EEF2K: variants seen among roughly 807,000 people sequenced by gnomAD.
EEF2K encodes eukaryotic elongation factor 2 kinase, also known as alternative protein EEF2K.
In EEF2K, 70 loss-of-function variants were observed where a neutral mutation model predicts 93.8. The ratio of observed to expected loss-of-function variants is 0.75; its 90% CI spans 0.62 to 0.91. EEF2K has a LOEUF of 0.91. Among genes scored for constraint, EEF2K ranks in the 40% least tolerant of loss-of-function variants. EEF2K has a pLI of 0.00. For missense variants in EEF2K, 935 were observed against 972.9 expected, an observed-to-expected ratio of 0.96 and a Z score of 0.52; for synonymous variants, 376 against 380.8, an observed-to-expected ratio of 0.99 and a Z score of 0.15.
Position 22,260,446 on chromosome 16 carries a change from G to T in EEF2K, c.1232-16G>T. ...GTAGTGGAACCAGGACATGATGTCT[G>T]TTTCTCCCTGCCCAGATTGGCCAGT... On this transcript the variant is annotated splice_polypyrimidine_tract_variant and intron_variant, in intron 10 of 17. Coordinates refer to ENST00000263026, the MANE Select transcript of EEF2K (RefSeq NM_013302.5). 1.2e-6 allele frequency: 2 copies of T among 1,614,018 alleles called. No individual in the cohort carries two copies. The highest frequency in any genetic ancestry group is 1.7e-6 in the Non-Finnish European group (2 of 1,179,994).
At chr16:22,248,417 T>C (rs1437597579) in intron 3 of EEF2K, among the ~76,000 whole-genome samples, 1 of 152,086 alleles carries the variant, frequency 6.6e-6, no homozygotes, top group African/African-American at 2.4e-5. Flanking sequence ...AAGACAGACA[T>C]GGGTCTGCTT....
chr16:22,214,587 C>T (rs1053383281), intron 1 of EEF2K, among the ~76,000 whole-genome samples: 7 of 152,048 alleles, frequency 4.6e-5, no homozygotes, highest in African/African-American at 1.7e-4. Context: ...ATCACTTGAG[C>T]CCAGGAGTTG....
chr16:22,267,016 C>G, intron 15 of EEF2K, 140 bp downstream of exon 15: 1 of 1,094,810 alleles, frequency 9.1e-7, no homozygotes, highest in Non-Finnish European at 1.3e-6. Context: ...ATGTCCCAGG[C>G]ACTGGTTTGG....
intron 1 of EEF2K, among the ~76,000 whole-genome samples, chr16:22,212,556 G>A (rs1430043195): frequency 1.3e-5 from 2 of 152,056 alleles, no homozygotes; most frequent in African/African-American, 4.8e-5. Flanking sequence ...TCCTGACCTC[G>A]TGATCCGCCT....
intron 3 of EEF2K, 72 bp downstream of exon 3, chr16:22,244,802 G>C: frequency 1.3e-6 from 2 of 1,484,908 alleles, no homozygotes; most frequent in Non-Finnish European, 1.9e-6. Flanking sequence ...AATCAGTGAG[G>C]CCTAAGTACT....
chr16:22,251,446 C>G (rs1402002558), intron 6 of EEF2K, 124 bp downstream of exon 6: 12 of 1,223,554 alleles, frequency 9.8e-6, no homozygotes, highest in Non-Finnish European at 1.3e-5. Flanking sequence ...TGAAGTCTTG[C>G]TCTGTCACCC....
Position 22,225,938 on chromosome 16 carries a change from G to A in EEF2K, c.209G>A (p.Ser70Asn), listed in dbSNP as rs761672065. ...AACCTAACAAAAAGTGAGCGGTATA[G>A]CTCCAGCGGGTCCCCGGCAAACTCC... ...YSNLTKSERY[S>N]SSGSPANSFH... The change falls in exon 2 of 18, where the codon AGC becomes AAC. Residue 70 changes from serine (S) to asparagine (N), a missense_variant. Coordinates refer to ENST00000263026, the MANE Select transcript of EEF2K (RefSeq NM_013302.5). The A allele has an allele frequency of 6.2e-7, 1 of 1,614,180 alleles. No individual in the cohort carries two copies.
chr16:22,214,336 G>C (rs2046940213), intron 1 of EEF2K, among the ~76,000 whole-genome samples: 1 of 151,992 alleles, frequency 6.6e-6, no homozygotes, highest in African/African-American at 2.4e-5. Context: ...TTGAGGCCAG[G>C]AGTTCAGAGG....
chr16:22,215,929 C>T (rs1202060875), intron 1 of EEF2K, among the ~76,000 whole-genome samples: 1 of 152,090 alleles, frequency 6.6e-6, no homozygotes, highest in Admixed American at 6.6e-5. Flanking sequence ...CATCTCAAAA[C>T]AAAAGAAACA....
At position 22,225,682 on chromosome 16, in the gene EEF2K, C is replaced by T; in HGVS notation, c.-48C>T. 2.5e-6 allele frequency: 4 copies of T among 1,598,820 alleles called. No individual in the cohort carries two copies. The highest frequency in any genetic ancestry group is 3.4e-6 in the Non-Finnish European group (4 of 1,171,722). On this transcript the variant is annotated 5_prime_UTR_variant, in exon 2 of 18. Transcript: ENST00000263026. ...CTTCGCCTCTGCATTTGTCCAGTAA[C>T]TCTGGCTGTGCCGGATACTGCTTGG...
intron 2 of EEF2K, among the ~76,000 whole-genome samples, chr16:22,241,655 A>C (rs1296348444): frequency 1.3e-5 from 2 of 151,486 alleles, no homozygotes; most frequent in African/African-American, 2.4e-5. Flanking sequence ...AAAAAAAAAA[A>C]AAAAAAACAT....
intron 4 of EEF2K, among the ~76,000 whole-genome samples, chr16:22,250,027 C>T (rs576531029): frequency 6.6e-6 from 1 of 152,108 alleles, no homozygotes; most frequent in East Asian, 1.9e-4. Context: ...GGTGATCCAC[C>T]CACCTCAGCC....
chr16:22,273,821 A>G, intron 16 of EEF2K, 71 bp downstream of exon 16: 1 of 1,580,238 alleles, frequency 6.3e-7, no homozygotes, highest in Non-Finnish European at 8.6e-7. Context: ...CCTCGGTATC[A>G]GCACAGGCCT....
At chr16:22,222,817 A>G (rs960593462) in intron 1 of EEF2K, among the ~76,000 whole-genome samples, 1 of 151,386 alleles carries the variant, frequency 6.6e-6, no homozygotes, top group Non-Finnish European at 1.5e-5. Context: ...CTGGGGGTGG[A>G]GGTTACAGTG....
chr16:22,250,731 T>TC, intron 5 of EEF2K, 40 bp downstream of exon 5: 1 of 1,613,070 alleles, frequency 6.2e-7, no homozygotes, highest in Non-Finnish European at 8.5e-7. Context: ...CTGCCCAGAG[T>TC]CCCCCCAGGC....
intron 6 of EEF2K, among the ~76,000 whole-genome samples, chr16:22,256,281 G>T (rs892918685): frequency 6.6e-6 from 1 of 152,116 alleles, no homozygotes; most frequent in African/African-American, 2.4e-5. Context: ...ATTTTTGGTA[G>T]AGACAGGGTT....
chr16:22,283,328 A>AAAG lies in EEF2K; in HGVS notation c.2069-550_2069-548dup, dbSNP rs1396619353. Among the ~76,000 whole-genome samples the AAAG allele has an allele frequency of 4.3e-3, 614 of 142,806 alleles. 8 individuals carry two copies. The highest frequency in any genetic ancestry group is 7.4e-3 in the South Asian group (32 of 4,324). 93.7% of individuals were successfully genotyped at this position (142,806 alleles called of 152,430 possible). A position where few individuals can be genotyped will look rare whatever the true frequency, so the allele number is the denominator to read the frequency against. ...CATCTCAAAAAAAAAAAAAAAAAAAAAAGAAGAAGAATGATGCAAATCTAT... is the reference window on the plus strand; with the variant it reads ...CATCTCAAAAAAAAAAAAAAAAAAAAAAGAAGAAGAAGAATGATGCAAATCTAT... On this transcript the variant is annotated intron_variant, in intron 17 of 17. Transcript: ENST00000263026.
chr16:22,263,568 C>T (rs1173407889), intron 12 of EEF2K, among the ~76,000 whole-genome samples: 1 of 152,214 alleles, frequency 6.6e-6, no homozygotes, highest in African/African-American at 2.4e-5. Context: ...AAGATTGTGC[C>T]ACTGCACTCC....
rs960050402 is a variant in EEF2K, at chr16:22,287,030, T to G, written c.*3034T>G. On this transcript the variant is annotated 3_prime_UTR_variant, in exon 18 of 18. Coordinates refer to ENST00000263026, the MANE Select transcript of EEF2K (RefSeq NM_013302.5). ...GGGCCCTTAAAAGTGAAAAGTAACT[T>G]GCAAGAGGTTGAGATCCTTCTGAGC... is the stretch of plus-strand genomic sequence containing the variant. The G allele has an allele frequency of 1.3e-5, 2 of 152,230 alleles. No individual in the cohort carries two copies. Among genetic ancestry groups the G allele is most frequent in the African/African-American group, 4.8e-5 (2 of 41,434 alleles). 9.4% of individuals were successfully genotyped at this position (152,230 alleles called of 1,614,324 possible).
Sources: allele counts gnomAD v4.1 joint callset (sites outside exome capture counted in the v4.1 genomes callset), GRCh38; gene constraint gnomAD v4.1.1; transcripts MANE v1.5; gene names NCBI Gene and HGNC (gene_info 2026-07-23, HGNC 2026-07-21).